ZFP1: variants seen among roughly 807,000 people sequenced by gnomAD.
The protein encoded by ZFP1 is ZFP1 zinc finger protein.
In ZFP1, 32 loss-of-function variants were observed where a neutral mutation model predicts 38.5. The observed-to-expected ratio is 0.83, with a 90% confidence interval of 0.63 to 1.12. ZFP1 has a LOEUF of 1.12. Among genes scored for constraint, ZFP1 ranks in the 50% most tolerant of loss-of-function variants. The pLI, the probability that ZFP1 is intolerant of heterozygous loss-of-function variation, is 0.00. For synonymous variants in ZFP1, 245 were observed against 168.8 expected (o/e 1.45, Z -3.50); for missense variants, 616 against 480.8 (o/e 1.28, Z -2.63).
intron 2 of ZFP1, among the ~76,000 whole-genome samples, chr16:75,165,101 G>T (rs889448123): frequency 6.6e-6 from 1 of 151,966 alleles, no homozygotes; most frequent in Non-Finnish European, 1.5e-5. Context: ...CATCGCGCCC[G>T]GCCTCCATAA....
At chr16:75,137,626 G>C in the ZFP1 span, among the ~76,000 whole-genome samples, 31 of 151,810 alleles carry the variant, frequency 2.0e-4, 1 homozygote, top group East Asian at 5.8e-3. Flanking sequence ...ACCACGCCCG[G>C]CTAATTTTTT....
intron 1 of ZFP1, 96 bp from the exon 2 acceptor site, chr16:75,152,813 C>T: frequency 8.7e-7 from 1 of 1,144,390 alleles, no homozygotes; most frequent in Non-Finnish European, 1.2e-6. Flanking sequence ...GGTATTTTCC[C>T]AGGTGGTCTC....
chr16:75,159,154 C>A (rs527954025), intron 2 of ZFP1, among the ~76,000 whole-genome samples: 1 of 151,912 alleles, frequency 6.6e-6, no homozygotes, highest in African/African-American at 2.4e-5. Flanking sequence ...ACCTTAGCCG[C>A]CCAATGTGCT....
intron 2 of ZFP1, among the ~76,000 whole-genome samples, chr16:75,154,400 T>G (rs1322517772): frequency 2.0e-5 from 3 of 152,208 alleles, no homozygotes; most frequent in Admixed American, 2.0e-4. Flanking sequence ...AAAGCTGTTA[T>G]AAACATCTGT....
the ZFP1 span, among the ~76,000 whole-genome samples, chr16:75,131,037 T>C: frequency 6.6e-6 from 1 of 152,156 alleles, no homozygotes; most frequent in East Asian, 1.9e-4. Flanking sequence ...AACCTCCTCA[T>C]TGACCTCCTA....
At chr16:75,147,353 C>G (rs1156425798), upstream of ZFP1, among the ~76,000 whole-genome samples, 3 of 152,150 alleles carry the variant, frequency 2.0e-5, no homozygotes, top group African/African-American at 4.8e-5. Context: ...TCTTGGCTCA[C>G]TGAAACCTCA....
upstream of ZFP1, among the ~76,000 whole-genome samples, chr16:75,145,714 G>A (rs535242670): frequency 2.1e-4 from 32 of 152,266 alleles, no homozygotes; most frequent in African/African-American, 6.7e-4. Flanking sequence ...TCCAGGGGAC[G>A]ATTATCTTCC....
chr16:75,149,669 C>T (rs1160545423), intron 1 of ZFP1, among the ~76,000 whole-genome samples: 1 of 148,858 alleles, frequency 6.7e-6, no homozygotes, highest in African/African-American at 2.5e-5. Context: ...AAGTAGTGCT[C>T]TGCCTCAGCC....
At chr16:75,150,075 G>C (rs1024126737) in intron 1 of ZFP1, among the ~76,000 whole-genome samples, 4 of 152,130 alleles carry the variant, frequency 2.6e-5, no homozygotes, top group African/African-American at 9.7e-5. Flanking sequence ...ATGAACCACT[G>C]CACCCAGCCT....
chr16:75,139,880 G>A, the ZFP1 span, among the ~76,000 whole-genome samples: 28 of 152,286 alleles, frequency 1.8e-4, 2 homozygotes, highest in East Asian at 3.9e-4. Flanking sequence ...GGATAGTTGC[G>A]CGATATTGTG....
chr16:75,169,601 C>T lies in ZFP1; in HGVS notation c.491C>T (p.Ala164Val). ...TCTGAATACAATAAAAGTGGAAAAG[C>T]CCTCAGCCATAAAGCAGCCATTTTT... ...EYSEYNKSGKALSHKAAIFKH... is the reference protein window; with the variant it reads ...EYSEYNKSGKVLSHKAAIFKH... The change falls in exon 4 of 4, where the codon GCC becomes GTC. Residue 164 changes from alanine to valine, a missense_variant. By Grantham distance (64) the Ala-to-Val change is moderately conservative (BLOSUM62 0). Coordinates refer to ENST00000570010, the MANE Select transcript of ZFP1 (RefSeq NM_153688.4). 2.5e-6 allele frequency: 4 copies of T among 1,595,610 alleles called. No homozygotes were observed. Among genetic ancestry groups the T allele is most frequent in the Non-Finnish European group, 3.4e-6 (4 of 1,174,994 alleles).
At chr16:75,149,054 G>C (rs1353681443) in intron 1 of ZFP1, 1 of 151,254 alleles carries the variant, frequency 6.6e-6, no homozygotes, top group Non-Finnish European at 1.5e-5. Flanking sequence ...CCGGTGCCTC[G>C]TGGGTGGAGG....
chr16:75,160,107 G>C (rs187611123), intron 2 of ZFP1, among the ~76,000 whole-genome samples: 72 of 152,340 alleles, frequency 4.7e-4, no homozygotes, highest in African/African-American at 1.6e-3. Flanking sequence ...ACTAGCCAAA[G>C]ATTTGAGGTG....
upstream of ZFP1, among the ~76,000 whole-genome samples, chr16:75,147,206 G>T (rs189111740): frequency 6.6e-6 from 1 of 152,214 alleles, no homozygotes; most frequent in East Asian, 1.9e-4. Flanking sequence ...ATGGTTACAG[G>T]CATTTGTCAA....
intron 2 of ZFP1, among the ~76,000 whole-genome samples, chr16:75,161,407 C>A (rs761004538): frequency 7.9e-5 from 12 of 151,672 alleles, no homozygotes; most frequent in Non-Finnish European, 2.9e-5. Context: ...TTGTTCTGTG[C>A]CATGGTTCAG....
intron 2 of ZFP1, among the ~76,000 whole-genome samples, chr16:75,165,891 T>C (rs1350755604): frequency 6.6e-6 from 1 of 152,196 alleles, no homozygotes; most frequent in Non-Finnish European, 1.5e-5. Context: ...GTCCCACATA[T>C]CTTTTAGGCT....
At chr16:75,163,618 T>TG (rs886431558) in intron 2 of ZFP1, among the ~76,000 whole-genome samples, 1 of 151,236 alleles carries the variant, frequency 6.6e-6, no homozygotes, top group African/African-American at 2.4e-5. Flanking sequence ...GCCTTTTTTT[T>TG]TTGTTGTTGT....
the ZFP1 span, chr16:75,119,580 T>G: frequency 1.1e-3 from 173 of 152,328 alleles, no homozygotes; most frequent in African/African-American, 4.0e-3. Context: ...AACCCATCCC[T>G]AGGTAAGTAA....
intron 1 of ZFP1, among the ~76,000 whole-genome samples, chr16:75,149,557 C>CTTTTTTTTTTTTTTTTTT (rs34371791): frequency 2.9e-5 from 3 of 101,766 alleles, no homozygotes; most frequent in South Asian, 3.2e-4. Flanking sequence ...TCTTTACTTT[C>CTTTTTTTTTTTTTTTTTT]TTTTTTTTTT....
Sources: allele counts gnomAD v4.1 joint callset (sites outside exome capture counted in the v4.1 genomes callset), GRCh38; gene constraint gnomAD v4.1.1; transcripts MANE v1.5; gene names NCBI Gene and HGNC (gene_info 2026-07-23, HGNC 2026-07-21).